Variants in BCORL1 observed in about 807,000 individuals in gnomAD.
BCORL1 encodes BCL-6 corepressor-like protein 1.
In BCORL1, 7 loss-of-function variants were observed where a neutral mutation model predicts 87.6. That is an observed-to-expected ratio of 0.08 (90% CI 0.05 to 0.15). The LOEUF is 0.15. BCORL1 is among the 10% of genes least tolerant of loss of function. The pLI, the probability that BCORL1 is intolerant of heterozygous loss-of-function variation, is 1.00. For missense variants in BCORL1, 1,215 were observed against 1,499.7 expected (o/e 0.81, Z 3.13); for synonymous variants, 591 against 634.4 (o/e 0.93, Z 1.03).
chrX:130,008,163 G>A (rs1194116664), intron 2 of BCORL1, among the ~76,000 whole-genome samples: 1 of 111,130 alleles, frequency 9.0e-6, no homozygotes, highest in Non-Finnish European at 1.9e-5. Flanking sequence ...ATCTCAGTCT[G>A]TCTGCCTTGG....
At chrX:129,992,596 A>G (rs2124343573) in intron 1 of BCORL1, among the ~76,000 whole-genome samples, 1 of 112,511 alleles carries the variant, frequency 8.9e-6, no homozygotes, top group African/African-American at 3.2e-5. Flanking sequence ...TAACCTGATA[A>G]TGGTCTCTCC....
chrX:129,992,071 G>C (rs549475676), intron 1 of BCORL1, among the ~76,000 whole-genome samples: 1 of 110,144 alleles, frequency 9.1e-6, no homozygotes, highest in South Asian at 3.9e-4. Context: ...CCGAGCTCAA[G>C]TGATCTTCCC....
rs749178911 is a variant in BCORL1 at position 130,014,923 on chromosome X, C to T, written c.2151C>T (p.Tyr717=). 16 of 1,209,602 alleles carry T rather than the reference C, an allele frequency of 1.3e-5. No homozygotes were observed. The highest frequency in any genetic ancestry group is 8.8e-5 in the African/African-American group (5 of 57,053). The change falls in exon 4 of 14, where the codon TAC becomes TAT. Residue 717 remains tyrosine, a synonymous_variant. Coordinates refer to ENST00000540052, the MANE Select transcript of BCORL1 (RefSeq NM_001379451.1). ...TALISTIPGT[Y]VGVANPVPAS... The stretch of plus-strand genomic sequence containing the variant: ...TGATCAGCACCATTCCTGGCACCTA[C>T]GTGGGAGTGGCCAACCCAGTGCCTG...
In BCORL1 at chrX:130,016,202, C is replaced by G. The variant is rs774848773; in HGVS notation, c.3430C>G (p.His1144Asp). ...PQAKAVVRSSHRPKCRKLPSD... is the reference protein window; with the variant it reads ...PQAKAVVRSSDRPKCRKLPSD... ...AGCCAAGGCCGTGGTCCGGAGTTCC[C>G]ACAGACCCAAGGTGAGTGCTGAGCT... Residue 1144 changes from histidine to aspartate, a missense_variant, in exon 4 of 14, where the codon CAC becomes GAC. Physicochemically the swap from His to Asp is moderately conservative, Grantham distance 81 (BLOSUM62 -1). Coordinates refer to ENST00000540052, the MANE Select transcript of BCORL1 (RefSeq NM_001379451.1). 1 of 1,200,144 alleles carries G rather than the reference C, an allele frequency of 8.3e-7. No individual in the cohort carries two copies. The highest frequency in any genetic ancestry group is 1.8e-5 in the South Asian group (1 of 55,638).
intron 8 of BCORL1, among the ~76,000 whole-genome samples, chrX:130,032,387 A>G (rs1215351270): frequency 1.8e-5 from 2 of 111,780 alleles, no homozygotes; most frequent in Non-Finnish European, 3.8e-5. Context: ...TGGGCTGCTC[A>G]AGGGTCCTCA....
At position 130,004,250 on chromosome X, in the gene BCORL1, T is replaced by G. The variant is rs755887872; in HGVS notation, c.-44-938T>G. 7.1e-4 allele frequency among the ~76,000 whole-genome samples: 72 copies of G among 101,234 alleles called. No individual in the cohort carries two copies. The Middle Eastern group carries it at 0.024, about 34-fold the overall frequency. The allele number at this position is 101,234 out of a possible 115,157, so 87.9% of individuals were successfully genotyped here. On this transcript the variant is annotated intron_variant, in intron 1 of 13. Transcript: ENST00000540052. ...AGGACAGAAATGTGTGGTTTTTTTT[T>G]TTTTTTTTTTTTGAGACAGAGTCTT...
chrX:130,001,015 G>T (rs1478179832), intron 1 of BCORL1, among the ~76,000 whole-genome samples: 1 of 110,695 alleles, frequency 9.0e-6, no homozygotes, highest in African/African-American at 3.3e-5. Flanking sequence ...CATATAACAT[G>T]CATTTACTGA....
At position 130,034,509 on chromosome X, in the gene BCORL1, G is replaced by A. The variant is rs1048092480; in HGVS notation, c.4360G>A (p.Val1454Met). Residue 1454 changes from valine (V) to methionine (M), a missense_variant, in exon 9 of 14, where the codon GTG (valine) becomes ATG (methionine). Transcript: ENST00000540052. ...KTRSPKSPTP[V>M]KPTEPCTPSK... ...ACGATCTCCCAAATCTCCCACCCCA[G>A]TGAAACCCACAGAACCATGTACACC... 17 of 981,186 alleles carry A rather than the reference G, an allele frequency of 1.7e-5. No homozygotes were observed. The highest frequency in any genetic ancestry group is 9.2e-5 in the Admixed American group (3 of 32,693). The allele number at this position is 981,186 out of a possible 1,213,427, so 80.9% of individuals were successfully genotyped here.
At chrX:129,981,929 G>GC (rs1926134266), upstream of BCORL1, 2 of 93,817 alleles carry the variant, frequency 2.1e-5, no homozygotes, top group Non-Finnish European at 4.3e-5. Flanking sequence ...CGACGGTGGG[G>GC]GGGGGAGCGG....
At chrX:130,052,388 C>T (rs983396451) in intron 13 of BCORL1, among the ~76,000 whole-genome samples, 1 of 112,303 alleles carries the variant, frequency 8.9e-6, no homozygotes, top group African/African-American at 3.2e-5. Flanking sequence ...CTGGAAAAGC[C>T]AGGACATATG....
chrX:129,980,930 A>G (rs1926054061), upstream of BCORL1, among the ~76,000 whole-genome samples: 1 of 99,984 alleles, frequency 1.0e-5, no homozygotes, highest in Non-Finnish European at 2.0e-5. Flanking sequence ...GGGGTGGAGT[A>G]GGGGCGTGGA....
chrX:129,987,225 G>A (rs1926704045), intron 1 of BCORL1, among the ~76,000 whole-genome samples: 1 of 111,745 alleles, frequency 8.9e-6, no homozygotes, highest in South Asian at 3.7e-4. Context: ...AGTAGGGTGG[G>A]GGAGAAACTG....
intron 11 of BCORL1, among the ~76,000 whole-genome samples, chrX:130,046,798 G>T (rs749680950): frequency 1.8e-5 from 2 of 110,473 alleles, no homozygotes; most frequent in South Asian, 7.7e-4. Flanking sequence ...CGCCCGCCTC[G>T]GCCTCCCAAA....
chrX:129,990,819 G>A (rs1927077540), intron 1 of BCORL1, among the ~76,000 whole-genome samples: 1 of 112,025 alleles, frequency 8.9e-6, no homozygotes, highest in Admixed American at 9.5e-5. Flanking sequence ...GAACTGAGGA[G>A]TGTATATCCA....
rs774624066 is a variant in BCORL1, at chrX:129,990,231, T to A, written c.-45+7469T>A. The stretch of plus-strand genomic sequence containing the variant: ...GGGACCTATTATTTTATATATATAT[T>A]TTTTTCTTTTTCTTTTTTGAGATGG... On this transcript the variant is annotated intron_variant, in intron 1 of 13. Coordinates refer to ENST00000540052, the MANE Select transcript of BCORL1 (RefSeq NM_001379451.1). Among the ~76,000 whole-genome samples, 5 of 110,809 alleles carry A rather than the reference T, an allele frequency of 4.5e-5. No individual in the cohort carries two copies. In the South Asian group the frequency reaches 1.5e-3, roughly 34 times the overall value.
At chrX:130,004,241 G>GTTTTTTT (rs1189082044) in intron 1 of BCORL1, among the ~76,000 whole-genome samples, 17 of 85,580 alleles carry the variant, frequency 2.0e-4, no homozygotes, top group African/African-American at 7.7e-4. Context: ...GAAATGTGTG[G>GTTTTTTT]TTTTTTTTTT....
In BCORL1 at chrX:130,043,032, CT is replaced by C. The variant is rs748652223; in HGVS notation, c.4840+3767del. On this transcript the variant is annotated intron_variant, in intron 11 of 13. Coordinates refer to ENST00000540052, the MANE Select transcript of BCORL1 (RefSeq NM_001379451.1). ...AATTCAGTGGGATTTAGTACATTCT[CT>C]TTTTTTTTTTTTTTTTCCTGAGACA... Among the ~76,000 whole-genome samples, 115 of 94,266 alleles carry C rather than the reference CT, an allele frequency of 1.2e-3. 1 individual carries two copies. The highest frequency in any genetic ancestry group is 1.1e-3 in the Admixed American group (10 of 8,719). 81.9% of individuals were successfully genotyped at this position (94,266 alleles called of 115,157 possible). A position where few individuals can be genotyped will look rare whatever the true frequency, so the allele number is the denominator to read the frequency against.
chrX:130,025,885 C>T (rs917705670), intron 7 of BCORL1, among the ~76,000 whole-genome samples: 4 of 111,038 alleles, frequency 3.6e-5, no homozygotes, highest in South Asian at 3.8e-4. Context: ...TTGCTTTATC[C>T]GTTAAAGCCA....
intron 11 of BCORL1, among the ~76,000 whole-genome samples, chrX:130,048,814 C>A (rs1358679163): frequency 9.0e-6 from 1 of 111,420 alleles, no homozygotes; most frequent in Non-Finnish European, 1.9e-5. Flanking sequence ...TTAAGCATAC[C>A]CTCCCGCTCT....
Sources: gnomAD v4.1 joint callset for allele counts (sites outside exome capture counted in the v4.1 genomes callset) on GRCh38, gnomAD v4.1.1 for gene constraint, MANE v1.5 for transcripts, NCBI Gene and HGNC (gene_info 2026-07-23, HGNC 2026-07-21) for gene names.